Variants in NCEH1 observed in about 807,000 individuals in gnomAD.
The protein encoded by NCEH1 is 2-acetyl MAGE hydrolase.
A neutral mutation model predicts 25.4 loss-of-function variants in NCEH1; 9 were observed. The ratio of observed to expected loss-of-function variants is 0.35; its 90% CI spans 0.21 to 0.62. The LOEUF is 0.62. Ranked by LOEUF, NCEH1 falls within the 20% of genes least tolerant of loss-of-function variation. The pLI is 0.72. For synonymous variants in NCEH1, 200 were observed against 199.8 expected (o/e 1.00, Z -0.01); for missense variants, 412 against 501.1 (o/e 0.82, Z 1.70).
At chr3:172,687,939 A>C (rs1316960734) in intron 1 of NCEH1, among the ~76,000 whole-genome samples, 5 of 152,244 alleles carry the variant, frequency 3.3e-5, no homozygotes, top group African/African-American at 1.2e-4. Flanking sequence ...CCTGGACAAC[A>C]AACAGAACCA....
intron 1 of NCEH1, among the ~76,000 whole-genome samples, chr3:172,664,446 G>A (rs1718112452): frequency 6.6e-6 from 1 of 152,128 alleles, no homozygotes; most frequent in African/African-American, 2.4e-5. Flanking sequence ...TCTTGGGGTT[G>A]CTCTTCACGA....
intron 1 of NCEH1, among the ~76,000 whole-genome samples, chr3:172,689,251 CTTTT>C (rs34888694): frequency 2.7e-4 from 22 of 80,916 alleles, no homozygotes; most frequent in Non-Finnish European, 5.0e-4. Context: ...CTTGGAGTAA[CTTTT>C]TTTTTTTTTT....
chr3:172,648,781 G>T lies in NCEH1; in HGVS notation c.139-667C>A, dbSNP rs150532938. Among the ~76,000 whole-genome samples the T allele has an allele frequency of 2.0e-4, 31 of 152,194 alleles. No individual in the cohort carries two copies. In the Middle Eastern group the frequency reaches 0.01, roughly 50 times the overall value. ...TGAGGCAAAGACCATACTGCCTGAT[G>T]GTCTCTTCCCTTCTGAACCCTCAGG... On this transcript the variant is annotated intron_variant, in intron 1 of 4. Transcript: ENST00000475381.
At chr3:172,686,835 T>TCC (rs1310654755) in intron 1 of NCEH1, among the ~76,000 whole-genome samples, 2 of 152,240 alleles carry the variant, frequency 1.3e-5, no homozygotes, top group Non-Finnish European at 2.9e-5. Context: ...CACCAAGTTT[T>TCC]CCTAGTTGAT....
At chr3:172,693,807 G>A (rs181451430) in intron 1 of NCEH1, among the ~76,000 whole-genome samples, 58 of 152,296 alleles carry the variant, frequency 3.8e-4, no homozygotes, top group Middle Eastern at 6.8e-3. Context: ...AAACCTCTGT[G>A]GCTGCCAAGA....
At position 172,647,999 on chromosome 3, in the gene NCEH1, G is replaced by C; in HGVS notation, c.254C>G (p.Thr85Arg). ...WSSAQVKVTD[T>R]DFDGVEVRVF... The stretch of plus-strand genomic sequence containing the variant: ...TCTGACTTCCACACCATCAAAGTCT[G>C]TGTCGGTCACCTTCACTTGGGCAGA... Residue 85 changes from threonine (T) to arginine (R), a missense_variant, in exon 2 of 5, where the codon ACA becomes AGA. Physicochemically the swap from Thr to Arg is moderately conservative, Grantham distance 71. Transcript: ENST00000475381. 6.2e-7 allele frequency: 1 copy of C among 1,614,178 alleles called. No homozygotes were observed. The highest frequency in any genetic ancestry group is 8.5e-7 in the Non-Finnish European group (1 of 1,180,040).
chr3:172,684,600 A>G (rs368500207), intron 1 of NCEH1, among the ~76,000 whole-genome samples: 2 of 152,350 alleles, frequency 1.3e-5, no homozygotes, highest in South Asian at 2.1e-4. Flanking sequence ...TAAGGAGCCA[A>G]TCGAAAGGAC....
intron 1 of NCEH1, among the ~76,000 whole-genome samples, chr3:172,670,908 C>T (rs1711574023): frequency 6.6e-6 from 1 of 152,036 alleles, no homozygotes; most frequent in African/African-American, 2.4e-5. Flanking sequence ...TCTTTGCTCT[C>T]CTAGATAGTA....
intron 1 of NCEH1, among the ~76,000 whole-genome samples, chr3:172,670,183 T>C (rs902682681): frequency 6.6e-6 from 1 of 152,212 alleles, no homozygotes; most frequent in African/African-American, 2.4e-5. Flanking sequence ...TCAATGATTC[T>C]GAACATAATA....
At chr3:172,643,431 G>A (rs1350099335) in intron 3 of NCEH1, among the ~76,000 whole-genome samples, 1 of 152,076 alleles carries the variant, frequency 6.6e-6, no homozygotes, top group Admixed American at 6.6e-5. Flanking sequence ...GAGTTTAAAT[G>A]ACCTGCTTGA....
chr3:172,684,048 A>C (rs1177598705), intron 1 of NCEH1, among the ~76,000 whole-genome samples: 1 of 152,242 alleles, frequency 6.6e-6, no homozygotes, highest in Non-Finnish European at 1.5e-5. Context: ...TAAGATTATT[A>C]AATAAAAATG....
chr3:172,650,648 C>CAAA (rs34027626), intron 1 of NCEH1, among the ~76,000 whole-genome samples: 3 of 119,536 alleles, frequency 2.5e-5, no homozygotes, highest in Non-Finnish European at 3.5e-5. Context: ...GACTCCGTCT[C>CAAA]AAAAAAAAAA....
intron 3 of NCEH1, 59 bp downstream of exon 3, chr3:172,645,564 A>G: frequency 9.6e-7 from 1 of 1,046,576 alleles, no homozygotes; most frequent in Non-Finnish European, 1.4e-6. Context: ...AAGTAACCAG[A>G]CTGTTATCTA....
intron 1 of NCEH1, among the ~76,000 whole-genome samples, chr3:172,702,900 G>A (rs1713776267): frequency 6.6e-6 from 1 of 152,184 alleles, no homozygotes; most frequent in African/African-American, 2.4e-5. Flanking sequence ...GCTGAGGCAG[G>A]AGGATCCCTT....
chr3:172,681,688 G>A (rs567184911), intron 1 of NCEH1, among the ~76,000 whole-genome samples: 4 of 144,350 alleles, frequency 2.8e-5, no homozygotes, highest in South Asian at 2.2e-4. Flanking sequence ...TCAGGAGTTC[G>A]AGACCAGCCT....
chr3:172,648,258 C>T, intron 1 of NCEH1, 144 bp from the exon 2 acceptor site: 1 of 911,152 alleles, frequency 1.1e-6, no homozygotes, highest in East Asian at 2.6e-5. Flanking sequence ...AATACAAAAA[C>T]CAATTGTATT....
chr3:172,682,405 C>G (rs1712430463), intron 1 of NCEH1, among the ~76,000 whole-genome samples: 1 of 152,210 alleles, frequency 6.6e-6, no homozygotes, highest in East Asian at 1.9e-4. Flanking sequence ...CACAAATACT[C>G]TTTCCCTGTT....
chr3:172,634,131 T>G, intron 4 of NCEH1, 39 bp from the exon 5 acceptor site: 1 of 1,577,352 alleles, frequency 6.3e-7, no homozygotes, highest in Non-Finnish European at 8.6e-7. Flanking sequence ...TCATTTTGCA[T>G]GCCTTCTTTT....
chr3:172,680,184 T>C (rs1035673379), intron 1 of NCEH1, among the ~76,000 whole-genome samples: 4 of 152,132 alleles, frequency 2.6e-5, no homozygotes, highest in African/African-American at 7.2e-5. Flanking sequence ...AGGTGTGAAA[T>C]AGACTCTCAT....
Sources: allele counts gnomAD v4.1 joint callset (sites outside exome capture counted in the v4.1 genomes callset), GRCh38; gene constraint gnomAD v4.1.1; transcripts MANE v1.5; gene names NCBI Gene and HGNC (gene_info 2026-07-23, HGNC 2026-07-21).